The following KCNQ3 variants were observed in gnomAD, a reference collection of about 807,000 sequenced individuals.
KCNQ3 encodes potassium voltage-gated channel subfamily KQT member 3.
KCNQ3 carries 30 observed loss-of-function variants against 92.5 expected under a neutral mutation model. The ratio of observed to expected loss-of-function variants is 0.32; its 90% CI spans 0.24 to 0.44. KCNQ3 has a LOEUF of 0.44. KCNQ3 is among the 20% of genes least tolerant of loss of function. The pLI is 1.00. For missense variants in KCNQ3, 913 were observed against 1,140.3 expected, an observed-to-expected ratio of 0.80 and a Z score of 2.87; for synonymous variants, 450 against 468.8, an observed-to-expected ratio of 0.96 and a Z score of 0.52.
chr8:132,151,302 A>C (rs971589398), intron 9 of KCNQ3, among the ~76,000 whole-genome samples: 55 of 152,380 alleles, frequency 3.6e-4, no homozygotes, highest in African/African-American at 1.3e-3. Context: ...TACTGGAAAT[A>C]GATTTATGTG....
intron 1 of KCNQ3, among the ~76,000 whole-genome samples, chr8:132,363,010 C>T (rs1400481015): frequency 1.3e-5 from 2 of 152,168 alleles, no homozygotes; most frequent in East Asian, 1.9e-4. Flanking sequence ...GGGGGAGTTA[C>T]CAAAACCTGG....
At chr8:132,308,191 G>A (rs1394319195) in intron 1 of KCNQ3, among the ~76,000 whole-genome samples, 2 of 152,200 alleles carry the variant, frequency 1.3e-5, no homozygotes, top group Non-Finnish European at 2.9e-5. Flanking sequence ...GGGCTATGAG[G>A]TTCCACCTGA....
At chr8:132,355,295 A>T (rs1554647302) in intron 1 of KCNQ3, among the ~76,000 whole-genome samples, 1 of 152,046 alleles carries the variant, frequency 6.6e-6, no homozygotes, top group Non-Finnish European at 1.5e-5. Context: ...AAGATGCCCT[A>T]AGATGCTGTC....
chr8:132,431,602 T>C (rs1307311789), intron 1 of KCNQ3, among the ~76,000 whole-genome samples: 6 of 148,990 alleles, frequency 4.0e-5, no homozygotes, highest in Admixed American at 2.0e-4. Flanking sequence ...GAGGACCCCA[T>C]GTAAACATAT....
In KCNQ3 at chr8:132,174,363, A is replaced by C. The variant is rs551667112; in HGVS notation, c.934-14T>G. 2.6e-6 allele frequency: 4 copies of C among 1,526,760 alleles called. No individual in the cohort carries two copies. In the African/African-American group the frequency reaches 5.5e-5, roughly 21 times the overall value. The allele number at this position is 1,526,760 out of a possible 1,614,324, so 94.6% of individuals were successfully genotyped here. On this transcript the variant is annotated splice_polypyrimidine_tract_variant and intron_variant, in intron 5 of 14. Coordinates refer to ENST00000388996, the MANE Select transcript of KCNQ3 (RefSeq NM_004519.4). ...GGCCAGTGTGATCTGAAGAGAGAAGAGTTCAGACATGGAGTACCACATGGA... is the reference window on the plus strand; with the variant it reads ...GGCCAGTGTGATCTGAAGAGAGAAGCGTTCAGACATGGAGTACCACATGGA...
intron 1 of KCNQ3, among the ~76,000 whole-genome samples, chr8:132,454,331 C>A (rs552842237): frequency 6.6e-6 from 1 of 152,220 alleles, no homozygotes; most frequent in Non-Finnish European, 1.5e-5. Flanking sequence ...CTCACGTCCA[C>A]AACAGGTCAC....
intron 1 of KCNQ3, among the ~76,000 whole-genome samples, chr8:132,223,802 T>C (rs751070299): frequency 3.9e-5 from 6 of 152,202 alleles, no homozygotes; most frequent in Non-Finnish European, 8.8e-5. Flanking sequence ...ATGGATCTTA[T>C]TGACTTTGGA....
intron 1 of KCNQ3, among the ~76,000 whole-genome samples, chr8:132,234,515 G>A (rs75322676): frequency 0.033 from 4,998 of 151,828 alleles, 103 homozygotes; most frequent in South Asian, 0.1. Flanking sequence ...GGGCAGAGAG[G>A]AAAGAAGATT....
chr8:132,234,216 C>T (rs1335779229), intron 1 of KCNQ3, among the ~76,000 whole-genome samples: 1 of 152,084 alleles, frequency 6.6e-6, no homozygotes, highest in Non-Finnish European at 1.5e-5. Context: ...TTTGCACAGC[C>T]CCTTGTGTTT....
intron 1 of KCNQ3, among the ~76,000 whole-genome samples, chr8:132,241,509 T>C (rs1271984621): frequency 1.3e-5 from 2 of 152,064 alleles, no homozygotes; most frequent in African/African-American, 4.8e-5. Flanking sequence ...CTACAGTTAT[T>C]ATTATCTATT....
intron 1 of KCNQ3, among the ~76,000 whole-genome samples, chr8:132,400,496 C>A (rs1820305217): frequency 6.6e-6 from 1 of 152,220 alleles, no homozygotes; most frequent in South Asian, 2.1e-4. Flanking sequence ...TTGTCTATGG[C>A]TGATCAGCAA....
intron 1 of KCNQ3, among the ~76,000 whole-genome samples, chr8:132,430,100 A>G (rs1225443604): frequency 6.6e-6 from 1 of 152,080 alleles, no homozygotes; most frequent in African/African-American, 2.4e-5. Context: ...TCATTCCAAA[A>G]CCATCTCAAC....
At chr8:132,268,835 T>G (rs561764723) in intron 1 of KCNQ3, among the ~76,000 whole-genome samples, 1 of 152,350 alleles carries the variant, frequency 6.6e-6, no homozygotes, top group Non-Finnish European at 1.5e-5. Flanking sequence ...TGTACCATTT[T>G]GCATTCCCAC....
rs189242339 is a variant in KCNQ3 at position 132,302,945 on chromosome 8, A to C, written c.387-116764T>G. 3.3e-5 allele frequency among the ~76,000 whole-genome samples: 5 copies of C among 152,292 alleles called. No homozygotes were observed. The East Asian group carries it at 9.7e-4, about 29-fold the overall frequency. ...TTGAATTGTATCACAATCTTCAGGC[A>C]CTTCTGATCCACCACCCTCCTGGGG... On this transcript the variant is annotated intron_variant, in intron 1 of 14. Transcript: ENST00000388996.
intron 1 of KCNQ3, among the ~76,000 whole-genome samples, chr8:132,342,965 A>G (rs1818577327): frequency 6.6e-6 from 1 of 152,214 alleles, no homozygotes; most frequent in South Asian, 2.1e-4. Context: ...AGGCATGTCA[A>G]AGAAAGCATA....
chr8:132,150,536 C>T (rs1825603130), intron 9 of KCNQ3, among the ~76,000 whole-genome samples: 1 of 152,110 alleles, frequency 6.6e-6, no homozygotes, highest in African/African-American at 2.4e-5. Context: ...GGAGTGCTCA[C>T]CTTAATTAAA....
chr8:132,232,797 T>C (rs1342571526), intron 1 of KCNQ3, among the ~76,000 whole-genome samples: 3 of 152,200 alleles, frequency 2.0e-5, no homozygotes, highest in Non-Finnish European at 4.4e-5. Flanking sequence ...CCCTTGTGGA[T>C]TGGGGTGTTC....
At chr8:132,212,696 G>A (rs536896225) in intron 1 of KCNQ3, among the ~76,000 whole-genome samples, 10 of 152,112 alleles carry the variant, frequency 6.6e-5, no homozygotes, top group African/African-American at 1.9e-4. Flanking sequence ...ACCCCGCCAT[G>A]CTTCAGTCAT....
chr8:132,437,208 G>A (rs1185996777), intron 1 of KCNQ3, among the ~76,000 whole-genome samples: 2 of 151,518 alleles, frequency 1.3e-5, no homozygotes, highest in Non-Finnish European at 1.5e-5. Context: ...GAACCCCAGG[G>A]GGCGGAGCCT....
Sources: allele counts gnomAD v4.1 joint callset (sites outside exome capture counted in the v4.1 genomes callset), GRCh38; gene constraint gnomAD v4.1.1; transcripts MANE v1.5; gene names NCBI Gene and HGNC (gene_info 2026-07-23, HGNC 2026-07-21).